Variants in PNPLA2 observed in about 807,000 individuals in gnomAD.
PNPLA2 encodes patatin like domain 2, triacylglycerol lipase.
A neutral mutation model predicts 39.7 loss-of-function variants in PNPLA2; 28 were observed. The observed-to-expected ratio is 0.70, with a 90% confidence interval of 0.52 to 0.97. The LOEUF is 0.97. Among genes scored for constraint, PNPLA2 ranks in the 50% least tolerant of loss-of-function variants. The pLI is 0.00. For missense variants in PNPLA2, 768 were observed against 698.2 expected (o/e 1.10, Z -1.13); for synonymous variants, 392 against 321.1 (o/e 1.22, Z -2.36).
At position 821,954 on chromosome 11, in the gene PNPLA2, G is replaced by A. The variant is rs1039453146; in HGVS notation, c.421-4G>A. ...TTCTCTCCCACTCTGTCCCTGCCCT[G>A]AAGGCCAATGTCTGCAGCGGTTTCA... On this transcript the variant is annotated splice_region_variant and splice_polypyrimidine_tract_variant and intron_variant, in intron 3 of 9. Coordinates refer to ENST00000336615, the MANE Select transcript of PNPLA2 (RefSeq NM_020376.4). 3.7e-6 allele frequency: 6 copies of A among 1,613,732 alleles called. No individual in the cohort carries two copies. Among genetic ancestry groups the A allele is most frequent in the Non-Finnish European group, 5.1e-6 (6 of 1,179,894 alleles).
chr11:819,763 C>T lies in PNPLA2; in HGVS notation c.45C>T (p.Cys15=), dbSNP rs1489387064. The change falls in exon 2 of 10, where the codon TGC becomes TGT. Residue 15 remains cysteine (C), a synonymous_variant. Transcript: ENST00000336615. The stretch of plus-strand genomic sequence containing the variant: ...CGTGGAACATCTCGTTCGCGGGCTG[C>T]GGCTTCCTCGGCGTCTACTACGTCG... ...EKTWNISFAG[C]GFLGVYYVGV... is the part of the protein sequence containing the mutation. 1 of 1,512,984 alleles carries T rather than the reference C, an allele frequency of 6.6e-7. No individual in the cohort carries two copies. Among genetic ancestry groups the T allele is most frequent in the Non-Finnish European group, 8.8e-7 (1 of 1,131,026 alleles). The allele number at this position is 1,512,984 out of a possible 1,614,324, so 93.7% of individuals were successfully genotyped here. A position where few individuals can be genotyped will look rare whatever the true frequency, so the allele number is the denominator to read the frequency against.
At position 825,346 on chromosome 11, in the gene PNPLA2, T is replaced by C. The variant is rs886772460; in HGVS notation, c.*484T>C. On this transcript the variant is annotated 3_prime_UTR_variant, in exon 10 of 10. Coordinates refer to ENST00000336615, the MANE Select transcript of PNPLA2 (RefSeq NM_020376.4). Reference sequence around the variant, plus strand: ...CAGGCCAGGTCTCCCAGCGTCGCACTCCTGGGCCTGGCATTTGGAACCTGC... The same window carrying C: ...CAGGCCAGGTCTCCCAGCGTCGCACCCCTGGGCCTGGCATTTGGAACCTGC... 8.9e-6 allele frequency: 2 copies of C among 225,762 alleles called. No homozygotes were observed. Among genetic ancestry groups the C allele is most frequent in the Non-Finnish European group, 1.8e-5 (2 of 112,620 alleles). The allele number at this position is 225,762 out of a possible 1,614,324, so 14.0% of individuals were successfully genotyped here.
In PNPLA2 at chr11:821,849, G is replaced by A. The variant is rs375693983; in HGVS notation, c.409G>A (p.Glu137Lys). ...VIISHFNSKD[E>K]LIQANVCSGF... ...TATATCCCACTTCAACTCCAAGGAC[G>A]AGCTCATCCAGGTGGGGCCTGGTGG... is the stretch of plus-strand genomic sequence containing the variant. The change falls in exon 3 of 10, where the codon GAG becomes AAG. Residue 137 changes from glutamate to lysine, a missense_variant. Transcript: ENST00000336615. The A allele has an allele frequency of 5.6e-6, 9 of 1,613,616 alleles. No homozygotes were observed. The highest frequency in any genetic ancestry group is 1.6e-4 in the Middle Eastern group (1 of 6,084).
In PNPLA2 at chr11:823,728, G is replaced by GCCCCCCCCCCC; in HGVS notation, c.798_799insCCCCCCCCCCC (p.Ala267ProfsTer57). 1 of 1,597,164 alleles carries GCCCCCCCCCCC rather than the reference G, an allele frequency of 6.3e-7. No individual in the cohort carries two copies. ...ACCGGCCCAACCCCTTGCTGGCGTT[G>GCCCCCCCCCCC]CCCCCCGCCCGCCCCCACGGCCCAG... On this transcript the variant is annotated frameshift_variant, in exon 7 of 10. Transcript: ENST00000336615. LOFTEE classifies it high-confidence loss of function.
intron 4 of PNPLA2, 164 bp downstream of exon 4, chr11:822,187 G>T: frequency 1.3e-6 from 1 of 770,858 alleles, no homozygotes. Context: ...CACGCTTCCT[G>T]GCCCCCCATC....
At position 824,122 on chromosome 11, in the gene PNPLA2, C is replaced by T; in HGVS notation, c.1044C>T (p.Phe348=). 3 of 1,597,550 alleles carry T rather than the reference C, an allele frequency of 1.9e-6. No individual in the cohort carries two copies. Among genetic ancestry groups the T allele is most frequent in the Non-Finnish European group, 2.6e-6 (3 of 1,173,566 alleles). ...YTLPLESALS[F]TIRLLEWLPD... ...TGCCGCTGGAGAGCGCTCTGTCCTT[C>T]ACCATCCGGTGTGAGGGCTGGGGGG... Residue 348 remains phenylalanine (F), a synonymous_variant, in exon 8 of 10, where the codon TTC becomes TTT. Coordinates refer to ENST00000336615, the MANE Select transcript of PNPLA2 (RefSeq NM_020376.4).
chr11:819,435 C>CG (rs1341732827), intron 1 of PNPLA2, 139 bp from the exon 2 acceptor site: 29 of 1,132,368 alleles, frequency 2.6e-5, no homozygotes, highest in South Asian at 3.7e-5. Context: ...GGCTCCAGCG[C>CG]GGGGGGCCGG....
chr11:821,307 G>A (rs1261078347), intron 2 of PNPLA2: 1 of 457,768 alleles, frequency 2.2e-6, no homozygotes, highest in African/African-American at 2.0e-5. Flanking sequence ...TGGCCAAGTG[G>A]GTGAAGGCTA....
Position 819,822 on chromosome 11 carries a change from T to G in PNPLA2, c.104T>G (p.Phe35Cys). Residue 35 changes from phenylalanine (F) to cysteine (C), a missense_variant, in exon 2 of 10, where the codon TTC becomes TGC. Coordinates refer to ENST00000336615, the MANE Select transcript of PNPLA2 (RefSeq NM_020376.4). Reference sequence around the variant, plus strand: ...TCCTGCCTCCGCGAGCACGCGCCCTTCCTGGTGGCCAACGCCACGCACATC... The same window carrying G: ...TCCTGCCTCCGCGAGCACGCGCCCTGCCTGGTGGCCAACGCCACGCACATC... ...VASCLREHAP[F>C]LVANATHIYG... 1 of 1,496,524 alleles carries G rather than the reference T, an allele frequency of 6.7e-7. No individual in the cohort carries two copies. The highest frequency in any genetic ancestry group is 8.9e-7 in the Non-Finnish European group (1 of 1,124,158). 92.7% of individuals were successfully genotyped at this position (1,496,524 alleles called of 1,614,324 possible). A position where few individuals can be genotyped will look rare whatever the true frequency, so the allele number is the denominator to read the frequency against.
In PNPLA2 at chr11:824,833, C is replaced by G. The variant is rs767707536; in HGVS notation, c.1486C>G (p.Arg496Gly). ...PLLSTPAPEARPVIGALGL is the reference protein window; with the variant it reads ...PLLSTPAPEAGPVIGALGL Reference sequence around the variant, plus strand: ...GCTGAGCACCCCTGCTCCCGAGGCCCGGCCCGTGATCGGGGCCCTGGGGCT... The same window carrying G: ...GCTGAGCACCCCTGCTCCCGAGGCCGGGCCCGTGATCGGGGCCCTGGGGCT... Residue 496 changes from arginine (R) to glycine (G), a missense_variant, in exon 10 of 10, where the codon CGG becomes GGG. By Grantham distance (125) the Arg-to-Gly change is moderately radical. Transcript: ENST00000336615. 7.7e-5 allele frequency: 118 copies of G among 1,534,516 alleles called. No individual in the cohort carries two copies. Among genetic ancestry groups the G allele is most frequent in the Non-Finnish European group, 1.0e-4 (115 of 1,146,158 alleles).
At position 824,299 on chromosome 11, in the gene PNPLA2, T is replaced by G; in HGVS notation, c.1053-15T>G. 6.5e-7 allele frequency: 1 copy of G among 1,550,236 alleles called. No homozygotes were observed. Among genetic ancestry groups the G allele is most frequent in the Non-Finnish European group, 8.7e-7 (1 of 1,147,438 alleles). On this transcript the variant is annotated splice_polypyrimidine_tract_variant and intron_variant, in intron 8 of 9. Transcript: ENST00000336615. ...CTGGCCAAGTCCCTGAACGCGCCGC[T>G]CGCCCTGTCCCCAGCTTGCTGGAGT...
Position 824,063 on chromosome 11 carries a change from C to A in PNPLA2, c.985C>A (p.Arg329Ser), listed in dbSNP as rs569276937. The A allele has an allele frequency of 6.2e-7, 1 of 1,609,006 alleles. No individual in the cohort carries two copies. The highest frequency in any genetic ancestry group is 2.2e-5 in the East Asian group (1 of 44,680). The change falls in exon 8 of 10, where the codon CGT becomes AGT. Residue 329 changes from arginine to serine, a missense_variant. Physicochemically the swap from Arg to Ser is moderately radical, Grantham distance 110 (BLOSUM62 -1). Transcript: ENST00000336615. ...LTTLSNMLPV[R>S]LATAMMVPYT... Reference sequence around the variant, plus strand: ...CACCCTCTCCAACATGCTGCCTGTGCGTCTGGCCACGGCCATGATGGTGCC... The same window carrying A: ...CACCCTCTCCAACATGCTGCCTGTGAGTCTGGCCACGGCCATGATGGTGCC...
At chr11:824,261 T>C in intron 8 of PNPLA2, 53 bp from the exon 9 acceptor site, 2 of 1,547,760 alleles carry the variant, frequency 1.3e-6, no homozygotes, top group Non-Finnish European at 1.7e-6. Flanking sequence ...GCCCGGCGGG[T>C]GGGCATGTGG....
At chr11:819,361 C>G in intron 1 of PNPLA2, 1 of 967,412 alleles carries the variant, frequency 1.0e-6, no homozygotes, top group Non-Finnish European at 1.2e-6. Flanking sequence ...GCGTGTGCCC[C>G]CAGCCGTGCC....
chr11:821,456 G>C, intron 2 of PNPLA2, 172 bp from the exon 3 acceptor site: 1 of 647,520 alleles, frequency 1.5e-6, no homozygotes, highest in Non-Finnish European at 2.8e-6. Flanking sequence ...AGCCTCTGCT[G>C]TCTGCCATCC....
chr11:819,442 CCGGGTCAAGGACGGGGG>C, intron 1 of PNPLA2, 115 bp from the exon 2 acceptor site: 1 of 1,163,760 alleles, frequency 8.6e-7, no homozygotes, highest in African/African-American at 1.6e-5. Context: ...GCGCGGGGGG[CCGGGTCAAGGACGGGGG>C]CGGGTCCCGA....
Position 821,690 on chromosome 11 carries a change from C to T in PNPLA2, c.250C>T (p.Leu84=), listed in dbSNP as rs149334466. 12 of 1,613,888 alleles carry T rather than the reference C, an allele frequency of 7.4e-6. No individual in the cohort carries two copies. In the African/African-American group the frequency reaches 9.3e-5, roughly 13 times the overall value. ...GGCCCGGAAGCGGTTCCTGGGCCCC[C>T]TGCACCCCTCCTTCAACCTGGTAAA... ...KEARKRFLGP[L]HPSFNLVKII... Residue 84 remains leucine, a synonymous_variant, in exon 3 of 10, where the codon CTG becomes TTG. Coordinates refer to ENST00000336615, the MANE Select transcript of PNPLA2 (RefSeq NM_020376.4).
Position 819,654 on chromosome 11 carries a change from G to A in PNPLA2, c.-65G>A, listed in dbSNP as rs937901404. The A allele has an allele frequency of 4.3e-6, 6 of 1,409,808 alleles. No homozygotes were observed. The highest frequency in any genetic ancestry group is 1.4e-5 in the South Asian group (1 of 72,680). 87.3% of individuals were successfully genotyped at this position (1,409,808 alleles called of 1,614,324 possible). ...GGCCCCCGGCTCCAGCGAGCGAGCGGCGAGCAGGCGGCTCACAGAGGCCTG... is the reference window on the plus strand; with the variant it reads ...GGCCCCCGGCTCCAGCGAGCGAGCGACGAGCAGGCGGCTCACAGAGGCCTG... On this transcript the variant is annotated 5_prime_UTR_variant, in exon 2 of 10. Coordinates refer to ENST00000336615, the MANE Select transcript of PNPLA2 (RefSeq NM_020376.4).
Position 824,957 on chromosome 11 carries a change from C to A in PNPLA2, c.*95C>A. On this transcript the variant is annotated 3_prime_UTR_variant, in exon 10 of 10. Coordinates refer to ENST00000336615, the MANE Select transcript of PNPLA2 (RefSeq NM_020376.4). ...TCACAGTTGCCAAGAGGGGTCTTTG[C>A]CGTGGGCCCCCTCGCCAGCCACTCA... 9.6e-7 allele frequency: 1 copy of A among 1,041,354 alleles called. No individual in the cohort carries two copies. The highest frequency in any genetic ancestry group is 1.4e-6 in the Non-Finnish European group (1 of 701,586). 64.5% of individuals were successfully genotyped at this position (1,041,354 alleles called of 1,614,324 possible). A position where few individuals can be genotyped will look rare whatever the true frequency, so the allele number is the denominator to read the frequency against.
Sources: allele counts gnomAD v4.1 joint callset, GRCh38; gene constraint gnomAD v4.1.1; transcripts MANE v1.5; gene names NCBI Gene and HGNC (gene_info 2026-07-23, HGNC 2026-07-21).